The following LRRC4C variants were observed in gnomAD, a reference collection of about 807,000 sequenced individuals.
LRRC4C encodes leucine-rich repeat-containing protein 4C.
Under a neutral mutation model 33.6 loss-of-function variants are expected in LRRC4C, and 5 were observed. The observed-to-expected ratio is 0.15, with a 90% CI of 0.08 to 0.31. The LOEUF is 0.31. Among genes scored for constraint, LRRC4C ranks in the 10% least tolerant of loss-of-function variants. The pLI is 1.00. For synonymous variants in LRRC4C, 329 were observed against 302.0 expected (o/e 1.09, Z -0.93); for missense variants, 560 against 796.7 (o/e 0.70, Z 3.58).
At chr11:40,387,047 G>A (rs532752838) in intron 3 of LRRC4C, among the ~76,000 whole-genome samples, 18 of 152,162 alleles carry the variant, frequency 1.2e-4, no homozygotes, top group East Asian at 5.8e-4. Flanking sequence ...CTTGGATGTC[G>A]TAATTTGGAT....
intron 4 of LRRC4C, among the ~76,000 whole-genome samples, chr11:40,299,964 G>C (rs992105621): frequency 2.6e-5 from 4 of 152,282 alleles, no homozygotes; most frequent in Admixed American, 6.5e-5. Context: ...TTGACACTGG[G>C]TAATTGATAA....
chr11:41,054,772 T>C (rs909110724), intron 1 of LRRC4C, among the ~76,000 whole-genome samples: 1 of 152,280 alleles, frequency 6.6e-6, no homozygotes, highest in African/African-American at 2.4e-5. Flanking sequence ...GTGGTTCTTG[T>C]CCTATGCAGT....
intron 1 of LRRC4C, among the ~76,000 whole-genome samples, chr11:41,160,990 G>A (rs781258550): frequency 2.6e-5 from 4 of 152,106 alleles, no homozygotes; most frequent in South Asian, 2.1e-4. Flanking sequence ...AACAATTGAC[G>A]ATTTACTTTA....
At chr11:40,607,288 C>T (rs1271051871) in intron 3 of LRRC4C, among the ~76,000 whole-genome samples, 1 of 152,120 alleles carries the variant, frequency 6.6e-6, no homozygotes, top group East Asian at 1.9e-4. Context: ...CTGGTGAGGG[C>T]TTCACCTTCC....
intron 3 of LRRC4C, among the ~76,000 whole-genome samples, chr11:40,537,757 C>T (rs1019722117): frequency 6.6e-6 from 1 of 152,018 alleles, no homozygotes; most frequent in Admixed American, 6.6e-5. Flanking sequence ...AGATGTGATA[C>T]AGATTAGTTC....
chr11:40,830,700 C>T (rs1056873152), intron 2 of LRRC4C, among the ~76,000 whole-genome samples: 8 of 152,048 alleles, frequency 5.3e-5, no homozygotes, highest in South Asian at 2.1e-4. Context: ...TTCATGCCGA[C>T]GTACACCATA....
chr11:41,159,043 C>G (rs979495779), intron 1 of LRRC4C, among the ~76,000 whole-genome samples: 1 of 151,882 alleles, frequency 6.6e-6, no homozygotes, highest in Admixed American at 6.6e-5. Flanking sequence ...CCAGTACTTT[C>G]GGAGGCTGAG....
At chr11:40,447,699 GCTT>G (rs1951700743) in intron 3 of LRRC4C, among the ~76,000 whole-genome samples, 1 of 152,168 alleles carries the variant, frequency 6.6e-6, no homozygotes, top group Non-Finnish European at 1.5e-5. Context: ...CTAAGTGAAG[GCTT>G]CTGCGTGGAT....
chr11:41,251,912 CAT>C (rs1393557235), intron 1 of LRRC4C, among the ~76,000 whole-genome samples: 5 of 151,756 alleles, frequency 3.3e-5, no homozygotes, highest in Admixed American at 1.3e-4. Flanking sequence ...CATGAGGTAT[CAT>C]GTGATAATTA....
chr11:40,686,769 A>G (rs1304518278), intron 2 of LRRC4C, among the ~76,000 whole-genome samples: 5 of 152,124 alleles, frequency 3.3e-5, no homozygotes, highest in African/African-American at 4.8e-5. Flanking sequence ...TGAAATCTCT[A>G]TTATAACCAT....
chr11:40,966,444 T>C (rs1481175807), intron 1 of LRRC4C, among the ~76,000 whole-genome samples: 1 of 151,940 alleles, frequency 6.6e-6, no homozygotes, highest in Admixed American at 6.6e-5. Context: ...ACCTATCTTT[T>C]ATATGACAGG....
At chr11:40,834,470 C>CAAAA (rs1166883264) in intron 2 of LRRC4C, among the ~76,000 whole-genome samples, 1 of 71,414 alleles carries the variant, frequency 1.4e-5, no homozygotes, top group Admixed American at 1.6e-4. Context: ...GATTCCATCT[C>CAAAA]AAAAAAAAAA....
rs142566060 is a variant in LRRC4C at position 41,143,140 on chromosome 11, T to A, written c.-495-209417A>T. On this transcript the variant is annotated intron_variant, in intron 1 of 6. Coordinates refer to ENST00000528697, the MANE Select transcript of LRRC4C (RefSeq NM_001258419.2). ...TGTCCTTCTATGGAAAGTGCCACAATAATCTCTCTGAAGCAATGCAGAATA... is the reference window on the plus strand; with the variant it reads ...TGTCCTTCTATGGAAAGTGCCACAAAAATCTCTCTGAAGCAATGCAGAATA... Among the ~76,000 whole-genome samples, 929 of 151,878 alleles carry A rather than the reference T, an allele frequency of 6.1e-3. 15 individuals carry two copies. The highest frequency in any genetic ancestry group is 0.021 in the African/African-American group (881 of 41,402).
intron 4 of LRRC4C, among the ~76,000 whole-genome samples, chr11:40,276,674 AGT>A (rs56155922): frequency 0.26 from 32,771 of 127,272 alleles, 3,482 homozygotes; most frequent in Non-Finnish European, 0.28. Context: ...GTGGGAAACA[AGT>A]GTGTGTGTGT....
chr11:41,275,031 G>A (rs1347761161), intron 1 of LRRC4C, among the ~76,000 whole-genome samples: 1 of 151,962 alleles, frequency 6.6e-6, no homozygotes, highest in African/African-American at 2.4e-5. Context: ...TCACTTTCTG[G>A]GTTCATGTGA....
intron 2 of LRRC4C, among the ~76,000 whole-genome samples, chr11:40,757,672 G>A (rs1949019723): frequency 6.6e-6 from 1 of 150,830 alleles, no homozygotes; most frequent in African/African-American, 2.4e-5. Context: ...TGATTTCAAG[G>A]ACACTTTTTT....
At chr11:40,845,392 G>A (rs949482981) in intron 2 of LRRC4C, among the ~76,000 whole-genome samples, 2 of 152,066 alleles carry the variant, frequency 1.3e-5, no homozygotes, top group African/African-American at 2.4e-5. Context: ...ACTTATGAGC[G>A]AGAACCTGAT....
chr11:40,973,103 C>T (rs1012510337), intron 1 of LRRC4C, among the ~76,000 whole-genome samples: 1 of 152,210 alleles, frequency 6.6e-6, no homozygotes, highest in East Asian at 1.9e-4. Context: ...TTTCCTGAAG[C>T]TCCCCAGAAG....
intron 3 of LRRC4C, among the ~76,000 whole-genome samples, chr11:40,450,016 G>A (rs1003025741): frequency 6.6e-6 from 1 of 152,056 alleles, no homozygotes; most frequent in Non-Finnish European, 1.5e-5. Context: ...AGTGATTTTA[G>A]ATTAGGTAGT....
Sources: allele counts gnomAD v4.1 joint callset (sites outside exome capture counted in the v4.1 genomes callset), GRCh38; gene constraint gnomAD v4.1.1; transcripts MANE v1.5; gene names NCBI Gene and HGNC (gene_info 2026-07-23, HGNC 2026-07-21).